Variants in SHISA6 observed in about 807,000 individuals in gnomAD.
The protein encoded by SHISA6 is protein shisa-6.
A neutral mutation model predicts 47.9 loss-of-function variants in SHISA6; 22 were observed. The observed-to-expected ratio is 0.46, with a 90% confidence interval of 0.33 to 0.66. The LOEUF is 0.66. SHISA6 is among the 30% of genes least tolerant of loss of function. The probability of loss-of-function intolerance (pLI) is 0.02; values close to 1 mark genes in which losing one functional copy is unlikely to be tolerated. For synonymous variants in SHISA6, 388 were observed against 337.8 expected (o/e 1.15, Z -1.63); for missense variants, 680 against 764.6 (o/e 0.89, Z 1.30).
intron 2 of SHISA6, among the ~76,000 whole-genome samples, chr17:11,376,615 C>T (rs551464021): frequency 2.3e-4 from 35 of 151,728 alleles, no homozygotes; most frequent in South Asian, 1.5e-3. Flanking sequence ...TGAGCCACTG[C>T]GCCCGGCCTG....
At chr17:11,406,777 G>A (rs1235212421) in intron 3 of SHISA6, among the ~76,000 whole-genome samples, 1 of 152,092 alleles carries the variant, frequency 6.6e-6, no homozygotes, top group African/African-American at 2.4e-5. Context: ...TGTATAAAAT[G>A]TACAGAAACT....
intron 3 of SHISA6, among the ~76,000 whole-genome samples, chr17:11,413,892 GA>G (rs1366478096): frequency 6.6e-6 from 1 of 152,162 alleles, no homozygotes; most frequent in African/African-American, 2.4e-5. Context: ...CAGTCACAGT[GA>G]AAAGAGATGT....
At chr17:11,275,883 G>A (rs1307315971) in intron 2 of SHISA6, among the ~76,000 whole-genome samples, 1 of 150,664 alleles carries the variant, frequency 6.6e-6, no homozygotes, top group Admixed American at 6.6e-5. Flanking sequence ...TGTCATGGGA[G>A]TTCTTGTAGG....
chr17:11,504,432 C>A (rs367897579), intron 3 of SHISA6, among the ~76,000 whole-genome samples: 2 of 152,128 alleles, frequency 1.3e-5, no homozygotes, highest in African/African-American at 2.4e-5. Flanking sequence ...CTGTCCTGAT[C>A]GTAGGAGCCC....
chr17:11,244,134 T>C (rs546586342), intron 1 of SHISA6, among the ~76,000 whole-genome samples: 1 of 152,196 alleles, frequency 6.6e-6, no homozygotes, highest in Non-Finnish European at 1.5e-5. Context: ...TCTCTGGGGT[T>C]GGGGAAGCAG....
intron 3 of SHISA6, among the ~76,000 whole-genome samples, chr17:11,404,570 A>G (rs748800903): frequency 6.6e-5 from 10 of 152,098 alleles, no homozygotes; most frequent in Non-Finnish European, 1.5e-4. Flanking sequence ...CACTCTACCA[A>G]TTATAGACTG....
At chr17:11,478,653 C>T (rs1319087588) in intron 3 of SHISA6, among the ~76,000 whole-genome samples, 1 of 73,864 alleles carries the variant, frequency 1.4e-5, no homozygotes, top group Non-Finnish European at 2.8e-5. Context: ...AGCCAGTTTT[C>T]CCAGCACCAT....
rs77020565 is a variant in SHISA6 at position 11,444,519 on chromosome 17, A to C, written c.895+65010A>C. 7.7e-3 allele frequency among the ~76,000 whole-genome samples: 1,167 copies of C among 152,240 alleles called. 21 individuals carry two copies. The highest frequency in any genetic ancestry group is 0.024 in the African/African-American group (1,017 of 41,534). On this transcript the variant is annotated intron_variant, in intron 3 of 5. Coordinates refer to ENST00000441885, the MANE Select transcript of SHISA6 (RefSeq NM_207386.4). ...AGCAGTCCAAAGTAAGCTCCAGTAC[A>C]GGTCACTCACCAGGGGTCAGAGGGA...
intron 2 of SHISA6, among the ~76,000 whole-genome samples, chr17:11,355,395 C>T (rs916705734): frequency 2.0e-5 from 3 of 152,146 alleles, no homozygotes; most frequent in African/African-American, 7.2e-5. Flanking sequence ...CTTTATCTAG[C>T]AGAACCATTT....
At chr17:11,261,574 A>G (rs986048604) in intron 1 of SHISA6, among the ~76,000 whole-genome samples, 2 of 152,204 alleles carry the variant, frequency 1.3e-5, no homozygotes, top group African/African-American at 2.4e-5. Flanking sequence ...ATGGTCTTTT[A>G]TGGTGTGCTT....
chr17:11,350,173 TATTTA>T (rs1911825600), intron 2 of SHISA6, among the ~76,000 whole-genome samples: 12 of 111,120 alleles, frequency 1.1e-4, no homozygotes, highest in South Asian at 3.2e-4. Context: ...TTTATTTATT[TATTTA>T]TTTATTTTTT....
At chr17:11,422,400 T>G (rs764547453) in intron 3 of SHISA6, among the ~76,000 whole-genome samples, 1 of 152,194 alleles carries the variant, frequency 6.6e-6, no homozygotes, top group Non-Finnish European at 1.5e-5. Context: ...GCCAGTGGAA[T>G]ACCAGGAAGG....
chr17:11,394,317 C>T (rs1913492660), intron 3 of SHISA6, among the ~76,000 whole-genome samples: 1 of 152,162 alleles, frequency 6.6e-6, no homozygotes, highest in Admixed American at 6.6e-5. Flanking sequence ...TGAGTCTGCA[C>T]CTCCGTACCT....
intron 2 of SHISA6, among the ~76,000 whole-genome samples, chr17:11,301,283 C>T (rs531213992): frequency 1.3e-5 from 2 of 152,240 alleles, no homozygotes; most frequent in South Asian, 4.2e-4. Flanking sequence ...TGCGTTGCAG[C>T]CCCCAGGACC....
At chr17:11,246,721 A>G (rs1417729815) in intron 1 of SHISA6, among the ~76,000 whole-genome samples, 1 of 152,208 alleles carries the variant, frequency 6.6e-6, no homozygotes, top group African/African-American at 2.4e-5. Flanking sequence ...TGACTCTTGC[A>G]GACACACGCA....
At chr17:11,339,462 T>C (rs1372949688) in intron 2 of SHISA6, among the ~76,000 whole-genome samples, 1 of 152,238 alleles carries the variant, frequency 6.6e-6, no homozygotes, top group Non-Finnish European at 1.5e-5. Context: ...TTTTAAATTT[T>C]TCTACAAGAA....
rs544098948 is a variant in SHISA6, at chr17:11,318,457, T to C, written c.799+54931T>C. 1.4e-4 allele frequency among the ~76,000 whole-genome samples: 21 copies of C among 152,254 alleles called. No homozygotes were observed. In the East Asian group the frequency reaches 3.9e-3, roughly 28 times the overall value. On this transcript the variant is annotated intron_variant, in intron 2 of 5. Transcript: ENST00000441885. Reference sequence around the variant, plus strand: ...GTTCCATCTTCTTAGAATGCTGTCTTCACATGTACCATCTGCCACCCCCTA... The same window carrying C: ...GTTCCATCTTCTTAGAATGCTGTCTCCACATGTACCATCTGCCACCCCCTA...
intron 2 of SHISA6, among the ~76,000 whole-genome samples, chr17:11,368,944 C>T (rs545453648): frequency 3.3e-5 from 5 of 152,280 alleles, no homozygotes; most frequent in South Asian, 2.1e-4. Flanking sequence ...CATGGGCCAC[C>T]GAACCCGGCC....
intron 1 of SHISA6, among the ~76,000 whole-genome samples, chr17:11,249,524 GT>G (rs1907723882): frequency 6.6e-6 from 1 of 152,170 alleles, no homozygotes; most frequent in African/African-American, 2.4e-5. Context: ...GTGGCATGCA[GT>G]TTGGGGGTTT....
Sources: allele counts gnomAD v4.1 joint callset (sites outside exome capture counted in the v4.1 genomes callset), GRCh38; gene constraint gnomAD v4.1.1; transcripts MANE v1.5; gene names NCBI Gene and HGNC (gene_info 2026-07-23, HGNC 2026-07-21).